TENM2: variants seen among roughly 807,000 people sequenced by gnomAD.
TENM2 encodes the protein teneurin-2.
A neutral mutation model predicts 245.2 loss-of-function variants in TENM2; 52 were observed. The observed-to-expected ratio is 0.21, with a 90% CI of 0.17 to 0.27. The LOEUF (loss-of-function observed/expected upper bound fraction) is 0.27. TENM2 is among the 10% of genes least tolerant of loss of function. The pLI is 1.00. For synonymous variants in TENM2, 1,363 were observed against 1,438.9 expected (o/e 0.95, Z 1.19); for missense variants, 3,046 against 3,666.8 (o/e 0.83, Z 4.37).
the TENM2 span, among the ~76,000 whole-genome samples, chr5:167,005,157 GGATTCGAGC>G: frequency 2.0e-5 from 3 of 152,270 alleles, no homozygotes; most frequent in South Asian, 6.2e-4. Flanking sequence ...AATATAGTAT[GGATTCGAGC>G]GAGGGCTTTC....
chr5:167,709,536 C>G (rs921243177), intron 2 of TENM2, among the ~76,000 whole-genome samples: 1 of 152,152 alleles, frequency 6.6e-6, no homozygotes, highest in Non-Finnish European at 1.5e-5. Context: ...GAGATGGTGG[C>G]GGTCCAGAAG....
At chr5:168,094,243 C>G (rs1373196443) in intron 8 of TENM2, among the ~76,000 whole-genome samples, 1 of 152,090 alleles carries the variant, frequency 6.6e-6, no homozygotes, top group Non-Finnish European at 1.5e-5. Flanking sequence ...TGGTAAATAC[C>G]TCAAGTGAAG....
the TENM2 span, among the ~76,000 whole-genome samples, chr5:167,236,767 G>A: frequency 6.6e-6 from 1 of 152,182 alleles, no homozygotes; most frequent in African/African-American, 2.4e-5. Context: ...AACATCCACG[G>A]TATCAAAGGG....
At chr5:167,522,287 C>T (rs76324145) in intron 2 of TENM2, among the ~76,000 whole-genome samples, 1 of 152,142 alleles carries the variant, frequency 6.6e-6, no homozygotes, top group African/African-American at 2.4e-5. Context: ...CATGACAATA[C>T]TACCCTTGAA....
At chr5:167,796,362 C>G (rs1213442846) in intron 2 of TENM2, among the ~76,000 whole-genome samples, 1 of 152,198 alleles carries the variant, frequency 6.6e-6, no homozygotes, top group Non-Finnish European at 1.5e-5. Context: ...AATCTTCTCT[C>G]CATGCTCTCT....
At chr5:167,633,341 T>C (rs1015143877) in intron 2 of TENM2, among the ~76,000 whole-genome samples, 1 of 151,996 alleles carries the variant, frequency 6.6e-6, no homozygotes, top group Admixed American at 6.6e-5. Flanking sequence ...AAGTTCAAAG[T>C]TTTGAGAAGA....
chr5:167,474,485 G>A (rs754444176), intron 2 of TENM2, among the ~76,000 whole-genome samples: 1 of 150,180 alleles, frequency 6.7e-6, no homozygotes, highest in Non-Finnish European at 1.5e-5. Flanking sequence ...TCCATGGTAG[G>A]TTTTATACTA....
intron 2 of TENM2, among the ~76,000 whole-genome samples, chr5:167,776,176 C>CACACACAG (rs1351384536): frequency 3.3e-5 from 5 of 150,754 alleles, no homozygotes; most frequent in Non-Finnish European, 7.4e-5. Flanking sequence ...CACACACACA[C>CACACACAG]ACACACACAC....
intron 2 of TENM2, among the ~76,000 whole-genome samples, chr5:167,791,464 A>G (rs867309050): frequency 1.0e-4 from 14 of 140,560 alleles, no homozygotes; most frequent in Middle Eastern, 3.4e-3. Flanking sequence ...TATAGATTAT[A>G]TATTTATAAT....
intron 25 of TENM2, among the ~76,000 whole-genome samples, chr5:168,232,628 G>A (rs1765039194): frequency 6.6e-6 from 1 of 152,178 alleles, no homozygotes; most frequent in Non-Finnish European, 1.5e-5. Context: ...GCTGAGGGGT[G>A]TGAGGGCCCA....
intron 7 of TENM2, among the ~76,000 whole-genome samples, chr5:168,082,552 C>G (rs1792097970): frequency 6.6e-6 from 1 of 152,226 alleles, no homozygotes; most frequent in African/African-American, 2.4e-5. Context: ...GTTCTGGTTT[C>G]TCCCCATCTT....
At chr5:167,148,485 C>T in the TENM2 span, among the ~76,000 whole-genome samples, 1 of 152,140 alleles carries the variant, frequency 6.6e-6, no homozygotes, top group Admixed American at 6.6e-5. Context: ...CATTGGGCTA[C>T]CAATGTTTAC....
chr5:168,068,791 G>C (rs1248905902), intron 7 of TENM2, among the ~76,000 whole-genome samples: 2 of 151,842 alleles, frequency 1.3e-5, no homozygotes, highest in East Asian at 3.9e-4. Flanking sequence ...CATTTGAGTG[G>C]TTGTAATATG....
chr5:168,237,458 G>A (rs917992163), intron 25 of TENM2, among the ~76,000 whole-genome samples: 1 of 152,020 alleles, frequency 6.6e-6, no homozygotes, highest in Non-Finnish European at 1.5e-5. Context: ...ACAAAATAGA[G>A]ACACTAAGAA....
At chr5:167,703,914 G>C (rs1758332292) in intron 2 of TENM2, among the ~76,000 whole-genome samples, 2 of 152,116 alleles carry the variant, frequency 1.3e-5, no homozygotes, top group African/African-American at 4.8e-5. Flanking sequence ...TTTGGTTTTT[G>C]TGGTTATTTA....
At chr5:167,134,516 T>C in the TENM2 span, among the ~76,000 whole-genome samples, 6 of 152,366 alleles carry the variant, frequency 3.9e-5, no homozygotes, top group South Asian at 1.2e-3. Context: ...TTCTTGTTTA[T>C]TTTTATGAGA....
In TENM2 at chr5:167,847,803, A is replaced by G. The variant is rs990879972; in HGVS notation, c.503-28183A>G. Among the ~76,000 whole-genome samples the G allele has an allele frequency of 2.4e-4, 36 of 152,334 alleles. No homozygotes were observed. In the South Asian group the frequency reaches 2.7e-3, roughly 11 times the overall value. On this transcript the variant is annotated intron_variant, in intron 2 of 28. Coordinates refer to ENST00000518659, the Ensembl canonical transcript of TENM2. ...TTCGTGGTTTATTTGGGCCAAACAT[A>G]TTAATCTGTGTCTCATGCAGAGATT...
chr5:167,013,662 G>A, the TENM2 span, among the ~76,000 whole-genome samples: 1 of 151,998 alleles, frequency 6.6e-6, no homozygotes, highest in Non-Finnish European at 1.5e-5. Flanking sequence ...AACCAAGATC[G>A]CACCACTGCA....
the TENM2 span, among the ~76,000 whole-genome samples, chr5:167,227,289 T>C: frequency 6.6e-6 from 1 of 152,148 alleles, no homozygotes; most frequent in Non-Finnish European, 1.5e-5. Context: ...AGTAGTTTGG[T>C]GGATTTTTGT....
Sources: gnomAD v4.1 joint callset for allele counts (sites outside exome capture counted in the v4.1 genomes callset) on GRCh38, gnomAD v4.1.1 for gene constraint, MANE v1.5 for transcripts, NCBI Gene and HGNC (gene_info 2026-07-23, HGNC 2026-07-21) for gene names.